Variants in COLEC12 observed in about 807,000 individuals in gnomAD.
COLEC12 encodes collectin subfamily member 12.
COLEC12 carries 33 observed loss-of-function variants against 71.1 expected under a neutral mutation model. That is an observed-to-expected ratio of 0.46 (90% confidence interval 0.35 to 0.62). The LOEUF (loss-of-function observed/expected upper bound fraction) is 0.62. COLEC12 is among the 20% of genes least tolerant of loss of function. The pLI, the probability that COLEC12 is intolerant of heterozygous loss-of-function variation, is 0.00. For synonymous variants in COLEC12, 350 were observed against 353.0 expected, an observed-to-expected ratio of 0.99 and a Z score of 0.10; for missense variants, 765 against 916.1, an observed-to-expected ratio of 0.84 and a Z score of 2.13.
At chr18:375,618 C>T in intron 2 of COLEC12, among the ~76,000 whole-genome samples, 1 of 152,212 alleles carries the variant, frequency 6.6e-6, no homozygotes, top group African/African-American at 2.4e-5. Context: ...CCACCTCAGC[C>T]TCCTGAGTAG....
At chr18:470,625 T>C (rs1598375504) in intron 2 of COLEC12, among the ~76,000 whole-genome samples, 1 of 152,150 alleles carries the variant, frequency 6.6e-6, no homozygotes, top group South Asian at 2.1e-4. Context: ...CATGGTGATA[T>C]ACGCCTGTAT....
chr18:462,614 C>T (rs757430525), intron 2 of COLEC12, among the ~76,000 whole-genome samples: 2 of 152,086 alleles, frequency 1.3e-5, no homozygotes, highest in South Asian at 2.1e-4. Flanking sequence ...TAGTTGCACA[C>T]CTCTGGATTT....
rs577886994 is a variant in COLEC12, at chr18:453,049, C to G, written c.58+27658G>C. ...TATTACACACTGCCAAGTCCATCTTCTGATACACAGGAGAACTTCTGAACA... is the reference window on the plus strand; with the variant it reads ...TATTACACACTGCCAAGTCCATCTTGTGATACACAGGAGAACTTCTGAACA... On this transcript the variant is annotated intron_variant, in intron 2 of 9. Transcript: ENST00000400256. 2.6e-5 allele frequency among the ~76,000 whole-genome samples: 4 copies of G among 152,362 alleles called. No homozygotes were observed. The East Asian group carries it at 7.7e-4, about 29-fold the overall frequency.
chr18:349,266 A>ATT (rs1444860873), intron 3 of COLEC12, among the ~76,000 whole-genome samples: 1 of 152,204 alleles, frequency 6.6e-6, no homozygotes, highest in Non-Finnish European at 1.5e-5. Flanking sequence ...CCATGGCTGA[A>ATT]AGGGGCCAAT....
At chr18:370,704 C>A (rs1242287971) in intron 2 of COLEC12, among the ~76,000 whole-genome samples, 1 of 152,130 alleles carries the variant, frequency 6.6e-6, no homozygotes, top group African/African-American at 2.4e-5. Flanking sequence ...GTCCACCACA[C>A]AACGGGATCC....
intron 2 of COLEC12, among the ~76,000 whole-genome samples, chr18:417,467 C>G (rs1468879881): frequency 6.6e-6 from 1 of 152,172 alleles, no homozygotes; most frequent in Non-Finnish European, 1.5e-5. Context: ...AGGCATTGTT[C>G]TAAAGGTTAT....
chr18:484,944 G>A (rs577260015), intron 1 of COLEC12, among the ~76,000 whole-genome samples: 34 of 152,310 alleles, frequency 2.2e-4, no homozygotes, highest in Middle Eastern at 3.4e-3. Context: ...AGCTGGTGGG[G>A]CTTGTGGTTG....
intron 2 of COLEC12, among the ~76,000 whole-genome samples, chr18:366,834 G>C (rs1364177305): frequency 6.6e-6 from 1 of 152,202 alleles, no homozygotes; most frequent in Non-Finnish European, 1.5e-5. Context: ...CTGTGGGCCG[G>C]GGTATGGATG....
chr18:375,699 A>C (rs1230691930), intron 2 of COLEC12, among the ~76,000 whole-genome samples: 1 of 151,986 alleles, frequency 6.6e-6, no homozygotes, highest in Non-Finnish European at 1.5e-5. Context: ...TCACCATTTC[A>C]TTTACTTATG....
At chr18:386,932 G>C (rs1915357139) in intron 2 of COLEC12, among the ~76,000 whole-genome samples, 1 of 152,152 alleles carries the variant, frequency 6.6e-6, no homozygotes, top group Non-Finnish European at 1.5e-5. Context: ...TGGGATTGAG[G>C]GGTTCTCCAC....
chr18:318,549 G>C lies in COLEC12; in HGVS notation c.*1496C>G, dbSNP rs1295570691. 1 of 135,600 alleles carries C rather than the reference G, an allele frequency of 7.4e-6. No homozygotes were observed. The highest frequency in any genetic ancestry group is 1.5e-5 in the Non-Finnish European group (1 of 65,962). The allele number at this position is 135,600 out of a possible 1,614,324, so 8.4% of individuals were successfully genotyped here. ...GCTCTGTCACCGAGGCTGGAGTGCA[G>C]TGGTGCGATCTTGGCTCACTGCAAT... is the stretch of plus-strand genomic sequence containing the variant. On this transcript the variant is annotated 3_prime_UTR_variant, in exon 10 of 10. Transcript: ENST00000400256.
intron 2 of COLEC12, among the ~76,000 whole-genome samples, chr18:449,812 C>A (rs1051666616): frequency 6.6e-6 from 1 of 152,228 alleles, no homozygotes; most frequent in African/African-American, 2.4e-5. Context: ...ACCCATGTAC[C>A]TGGCTGAGAC....
intron 3 of COLEC12, among the ~76,000 whole-genome samples, chr18:349,622 GA>G (rs981630659): frequency 2.8e-4 from 42 of 152,264 alleles, no homozygotes; most frequent in Non-Finnish European, 5.1e-4. Context: ...CGTTCACCTG[GA>G]AAAGCCACAG....
chr18:429,671 T>C (rs1255889396), intron 2 of COLEC12, among the ~76,000 whole-genome samples: 1 of 152,176 alleles, frequency 6.6e-6, no homozygotes, highest in East Asian at 1.9e-4. Flanking sequence ...TGTGAGCCAC[T>C]GTGCCTGGCC....
At chr18:498,266 GCCCCTCC>G (rs1345175407) in intron 1 of COLEC12, among the ~76,000 whole-genome samples, 4 of 151,842 alleles carry the variant, frequency 2.6e-5, no homozygotes, top group Non-Finnish European at 5.9e-5. Context: ...AATTATTACT[GCCCCTCC>G]CGTCCCCACC....
At chr18:387,014 G>A (rs1160115123) in intron 2 of COLEC12, among the ~76,000 whole-genome samples, 5 of 152,142 alleles carry the variant, frequency 3.3e-5, no homozygotes, top group Non-Finnish European at 5.9e-5. Context: ...TGCCCACATT[G>A]CTGCCCCATG....
At chr18:454,016 C>T (rs1916814644) in intron 2 of COLEC12, among the ~76,000 whole-genome samples, 1 of 152,238 alleles carries the variant, frequency 6.6e-6, no homozygotes, top group African/African-American at 2.4e-5. Flanking sequence ...CAACCTCCTA[C>T]AGATCTCCCT....
At chr18:451,158 G>C (rs1916753066) in intron 2 of COLEC12, among the ~76,000 whole-genome samples, 1 of 152,330 alleles carries the variant, frequency 6.6e-6, no homozygotes, top group Admixed American at 6.5e-5. Flanking sequence ...CTCTGTCCTT[G>C]ACTCCTGCTC....
Sources: gnomAD v4.1 joint callset for allele counts (sites outside exome capture counted in the v4.1 genomes callset) on GRCh38, gnomAD v4.1.1 for gene constraint, MANE v1.5 for transcripts, NCBI Gene and HGNC (gene_info 2026-07-23, HGNC 2026-07-21) for gene names.